The following AFAP1L2 variants were observed in gnomAD, a reference collection of about 807,000 sequenced individuals.
The protein encoded by AFAP1L2 is actin filament-associated protein 1-like 2.
A neutral mutation model predicts 99.3 loss-of-function variants in AFAP1L2; 46 were observed. That is an observed-to-expected ratio of 0.46 (90% CI 0.37 to 0.59). The LOEUF (loss-of-function observed/expected upper bound fraction) is 0.59. AFAP1L2 is among the 20% of genes least tolerant of loss of function. The probability of loss-of-function intolerance (pLI) is 0.00; values close to 1 mark genes in which losing one functional copy is unlikely to be tolerated. For synonymous variants in AFAP1L2, 397 were observed against 419.1 expected, an observed-to-expected ratio of 0.95 and a Z score of 0.64; for missense variants, 959 against 1,034.9, an observed-to-expected ratio of 0.93 and a Z score of 1.01.
chr10:114,348,599 T>C (rs528812081), intron 1 of AFAP1L2, among the ~76,000 whole-genome samples: 2 of 152,336 alleles, frequency 1.3e-5, no homozygotes, highest in Admixed American at 6.5e-5. Flanking sequence ...CCACACCAGA[T>C]TGCCATGCTC....
chr10:114,376,736 A>T (rs1053286415), intron 1 of AFAP1L2, among the ~76,000 whole-genome samples: 4 of 152,242 alleles, frequency 2.6e-5, no homozygotes, highest in African/African-American at 9.6e-5. Context: ...AACTCGTTAC[A>T]TCCAGAACTG....
At chr10:114,376,028 C>T (rs2054750348) in intron 1 of AFAP1L2, among the ~76,000 whole-genome samples, 1 of 152,084 alleles carries the variant, frequency 6.6e-6, no homozygotes, top group African/African-American at 2.4e-5. Flanking sequence ...TACTCCAGTC[C>T]TCTAAGAGTC....
intron 5 of AFAP1L2, chr10:114,319,424 G>T (rs983308194): frequency 7.0e-6 from 4 of 570,456 alleles, no homozygotes; most frequent in Non-Finnish European, 1.1e-5. Flanking sequence ...CTGGAAGATC[G>T]CACGTGGCAT....
Position 114,295,064 on chromosome 10 carries a change from A to C in AFAP1L2, c.*978T>G. 1 of 985,204 alleles carries C rather than the reference A, an allele frequency of 1.0e-6. No homozygotes were observed. The highest frequency in any genetic ancestry group is 4.7e-5 in the South Asian group (1 of 21,244). 61.0% of individuals were successfully genotyped at this position (985,204 alleles called of 1,614,324 possible). Reference sequence around the variant, plus strand: ...CATCAGAGGAAAAGACAGGGGCAGCACAAGGAACAGCACTGCCAATTTTAA... The same window carrying C: ...CATCAGAGGAAAAGACAGGGGCAGCCCAAGGAACAGCACTGCCAATTTTAA... On this transcript the variant is annotated 3_prime_UTR_variant, in exon 19 of 19. Transcript: ENST00000304129.
At position 114,299,292 on chromosome 10, in the gene AFAP1L2, C is replaced by T. The variant is rs201695310; in HGVS notation, c.2081G>A (p.Arg694Gln). 1.1e-5 allele frequency: 17 copies of T among 1,614,140 alleles called. No homozygotes were observed. The highest frequency in any genetic ancestry group is 3.3e-5 in the Admixed American group (2 of 60,012). Residue 694 changes from arginine (R) to glutamine (Q), a missense_variant, in exon 16 of 19, where the codon CGG (arginine) becomes CAG (glutamine). Physicochemically the swap from Arg to Gln is conservative, Grantham distance 43. Coordinates refer to ENST00000304129, the MANE Select transcript of AFAP1L2 (RefSeq NM_001001936.3). Reference protein sequence around the residue: ...GHLAQLRKEKRELKETLLKCT... With the variant: ...GHLAQLRKEKQELKETLLKCT... ...TTTCAGTAGGGTTTCCTTTAGCTCCCGTTTCTCTTTCCGGAGCTGAGCCAG... is the reference window on the plus strand; with the variant it reads ...TTTCAGTAGGGTTTCCTTTAGCTCCTGTTTCTCTTTCCGGAGCTGAGCCAG...
At chr10:114,332,263 C>G (rs972735523) in intron 3 of AFAP1L2, among the ~76,000 whole-genome samples, 2 of 152,208 alleles carry the variant, frequency 1.3e-5, no homozygotes, top group Non-Finnish European at 2.9e-5. Flanking sequence ...CACAGTTTAC[C>G]CAGAAGGCAA....
At chr10:114,288,626 G>A in the AFAP1L2 span, among the ~76,000 whole-genome samples, 2 of 152,230 alleles carry the variant, frequency 1.3e-5, no homozygotes. Context: ...GGGGGAGAGG[G>A]GAAGTGGAAG....
intron 1 of AFAP1L2, among the ~76,000 whole-genome samples, chr10:114,381,847 G>A (rs1490430587): frequency 6.7e-6 from 1 of 148,782 alleles, no homozygotes; most frequent in Non-Finnish European, 1.5e-5. Context: ...CAACAAAAAA[G>A]GATAATGCAT....
intron 8 of AFAP1L2, among the ~76,000 whole-genome samples, chr10:114,309,826 G>A (rs2042947735): frequency 6.6e-6 from 1 of 151,904 alleles, no homozygotes. Flanking sequence ...GCCCACCCCC[G>A]GCACCTACAA....
chr10:114,302,554 G>A, intron 11 of AFAP1L2, 70 bp from the exon 12 acceptor site: 2 of 1,592,116 alleles, frequency 1.3e-6, no homozygotes, highest in Non-Finnish European at 1.7e-6. Context: ...CTCCCCACCA[G>A]GCCATGACCG....
intron 15 of AFAP1L2, 71 bp downstream of exon 15, chr10:114,300,122 AT>A: frequency 6.3e-7 from 1 of 1,599,462 alleles, no homozygotes. Context: ...CATCTATCCT[AT>A]TAGTTCTGTC....
In AFAP1L2 at chr10:114,307,839, T is replaced by G; in HGVS notation, c.1038A>C (p.Ser346=). Residue 346 remains serine (S), a synonymous_variant, in exon 10 of 19, where the codon TCA becomes TCC. Coordinates refer to ENST00000304129, the MANE Select transcript of AFAP1L2 (RefSeq NM_001001936.3). ...CGAGGGACCTCTCCACAGGCTCCAGTGAGGTGGATTTCTTCCTGCCCAGAT... is the reference window on the plus strand; with the variant it reads ...CGAGGGACCTCTCCACAGGCTCCAGGGAGGTGGATTTCTTCCTGCCCAGAT... ...LMNLGRKKST[S]LEPVERSLET... The G allele has an allele frequency of 6.2e-7, 1 of 1,614,112 alleles. No individual in the cohort carries two copies. The highest frequency in any genetic ancestry group is 8.5e-7 in the Non-Finnish European group (1 of 1,179,994).
chr10:114,379,689 C>T (rs1258230674), intron 1 of AFAP1L2, among the ~76,000 whole-genome samples: 1 of 152,182 alleles, frequency 6.6e-6, no homozygotes, highest in African/African-American at 2.4e-5. Flanking sequence ...TTATGTTCCG[C>T]ATGGGTTTAC....
At chr10:114,300,764 G>A (rs998352531) in intron 13 of AFAP1L2, 74 bp from the exon 14 acceptor site, 2 of 1,515,442 alleles carry the variant, frequency 1.3e-6, no homozygotes, top group Non-Finnish European at 1.8e-6. Flanking sequence ...TACCAGCCCT[G>A]CCTCACAGTT....
chr10:114,284,827 G>A, the AFAP1L2 span: 1 of 1,566,480 alleles, frequency 6.4e-7, no homozygotes, highest in East Asian at 2.4e-5. Context: ...CCTCTGTGCT[G>A]CGGTGCTTAG....
intron 2 of AFAP1L2, among the ~76,000 whole-genome samples, chr10:114,335,378 C>T (rs2047793941): frequency 6.6e-6 from 1 of 151,974 alleles, no homozygotes; most frequent in South Asian, 2.1e-4. Context: ...TTTGGGAGGC[C>T]AAGGTGGGCG....
At chr10:114,372,073 T>C (rs888949793) in intron 1 of AFAP1L2, among the ~76,000 whole-genome samples, 23 of 152,256 alleles carry the variant, frequency 1.5e-4, no homozygotes, top group African/African-American at 5.5e-4. Context: ...TTCTTTCCCT[T>C]AACTTGGACG....
chr10:114,333,852 G>T (rs1052434753), intron 2 of AFAP1L2, among the ~76,000 whole-genome samples: 1 of 152,148 alleles, frequency 6.6e-6, no homozygotes, highest in African/African-American at 2.4e-5. Context: ...CTAAGTTCAA[G>T]ATCTGCCTTG....
chr10:114,372,319 A>T (rs2054224555), intron 1 of AFAP1L2, among the ~76,000 whole-genome samples: 1 of 152,158 alleles, frequency 6.6e-6, no homozygotes, highest in South Asian at 2.1e-4. Context: ...TCCCTCTGTA[A>T]ACACCAAGCC....
Sources: allele counts gnomAD v4.1 joint callset (sites outside exome capture counted in the v4.1 genomes callset), GRCh38; gene constraint gnomAD v4.1.1; transcripts MANE v1.5; gene names NCBI Gene and HGNC (gene_info 2026-07-23, HGNC 2026-07-21).